The following ANXA5 variants were observed in gnomAD, a reference collection of about 807,000 sequenced individuals.
ANXA5 encodes annexin A5.
Under a neutral mutation model 48.1 loss-of-function variants are expected in ANXA5, and 40 were observed. The observed-to-expected ratio is 0.83, with a 90% CI of 0.65 to 1.08. The LOEUF is 1.08. Ranked by LOEUF, ANXA5 falls within the 50% of genes least tolerant of loss-of-function variation. The pLI, the probability that ANXA5 is intolerant of heterozygous loss-of-function variation, is 0.00. For missense variants in ANXA5, 357 were observed against 376.8 expected (o/e 0.95, Z 0.44); for synonymous variants, 113 against 129.1 (o/e 0.88, Z 0.85).
At chr4:121,674,184 G>A (rs945582046) in intron 8 of ANXA5, among the ~76,000 whole-genome samples, 40 of 125,906 alleles carry the variant, frequency 3.2e-4, no homozygotes, top group African/African-American at 1.2e-3. Flanking sequence ...AGGGGAAGAG[G>A]GAGGGGAGGG....
intron 2 of ANXA5, among the ~76,000 whole-genome samples, chr4:121,687,954 T>C (rs1724921218): frequency 6.6e-6 from 1 of 152,140 alleles, no homozygotes; most frequent in South Asian, 2.1e-4. Flanking sequence ...GAACCGAATA[T>C]CTGTGTCCCC....
intron 2 of ANXA5, among the ~76,000 whole-genome samples, chr4:121,686,603 A>T (rs1266735220): frequency 6.6e-6 from 1 of 152,156 alleles, no homozygotes; most frequent in African/African-American, 2.4e-5. Flanking sequence ...ATCAGTGGGA[A>T]GGCTGGCTCC....
intron 3 of ANXA5, 85 bp from the exon 4 acceptor site, chr4:121,684,856 T>G: frequency 2.9e-6 from 3 of 1,023,070 alleles, no homozygotes; most frequent in Non-Finnish European, 4.6e-6. Context: ...CCAGTCACCT[T>G]ATTTCCTTGC....
At chr4:121,677,778 C>T in intron 8 of ANXA5, 116 bp downstream of exon 8, 1 of 909,100 alleles carries the variant, frequency 1.1e-6, no homozygotes, top group Admixed American at 1.9e-5. Context: ...GTAAATAACC[C>T]ATTAACAAGA....
At chr4:121,696,373 G>A (rs1389246322) in intron 2 of ANXA5, among the ~76,000 whole-genome samples, 1 of 152,158 alleles carries the variant, frequency 6.6e-6, no homozygotes, top group Non-Finnish European at 1.5e-5. Flanking sequence ...GTCGGTGCTG[G>A]TTCCGGAGGG....
At position 121,670,358 on chromosome 4, in the gene ANXA5, T is replaced by G. The variant is rs556568496; in HGVS notation, c.722-346A>C. Among the ~76,000 whole-genome samples the G allele has an allele frequency of 2.6e-5, 4 of 152,276 alleles. No homozygotes were observed. In the South Asian group the frequency reaches 8.3e-4, roughly 32 times the overall value. On this transcript the variant is annotated intron_variant, in intron 10 of 12. Transcript: ENST00000296511. ...CACAACATTCTTCATCACCAATAAA[T>G]TACACAAATCCCTTGGAAGTTTTCA...
chr4:121,674,276 G>A (rs901695319), intron 8 of ANXA5, among the ~76,000 whole-genome samples: 1 of 122,412 alleles, frequency 8.2e-6, no homozygotes, highest in Non-Finnish European at 1.7e-5. Flanking sequence ...GGAGAAGGGA[G>A]GGGAAGGAAA....
At chr4:121,679,579 C>T (rs1015411024) in intron 6 of ANXA5, among the ~76,000 whole-genome samples, 1 of 152,104 alleles carries the variant, frequency 6.6e-6, no homozygotes, top group African/African-American at 2.4e-5. Context: ...CCATTTACCT[C>T]CCACAATGGA....
At chr4:121,680,562 AC>A (rs1724774017) in intron 6 of ANXA5, among the ~76,000 whole-genome samples, 1 of 152,160 alleles carries the variant, frequency 6.6e-6, no homozygotes, top group South Asian at 2.1e-4. Context: ...TGTTATGCAC[AC>A]CTTTTGTCAC....
intron 2 of ANXA5, among the ~76,000 whole-genome samples, chr4:121,687,183 C>A (rs556574950): frequency 6.6e-6 from 1 of 151,778 alleles, no homozygotes; most frequent in Admixed American, 6.6e-5. Flanking sequence ...GCCTGTAGTC[C>A]CAGCTGCTTG....
At chr4:121,686,461 A>G (rs1382883562) in intron 2 of ANXA5, 89 bp from the exon 3 acceptor site, 6 of 893,094 alleles carry the variant, frequency 6.7e-6, no homozygotes, top group African/African-American at 6.7e-5. Flanking sequence ...GCTATATATC[A>G]TATTCAGTCA....
chr4:121,668,783 G>A (rs569779033), intron 12 of ANXA5, among the ~76,000 whole-genome samples: 1 of 152,066 alleles, frequency 6.6e-6, no homozygotes, highest in South Asian at 2.1e-4. Context: ...AGACAGAATA[G>A]TTTCTATCAC....
intron 2 of ANXA5, among the ~76,000 whole-genome samples, chr4:121,689,738 C>G (rs947628425): frequency 9.2e-5 from 14 of 152,158 alleles, no homozygotes; most frequent in African/African-American, 3.4e-4. Flanking sequence ...CACTGGAGGA[C>G]ACTCAGGCAG....
chr4:121,673,124 G>A (rs2110480040), intron 8 of ANXA5, among the ~76,000 whole-genome samples: 1 of 152,288 alleles, frequency 6.6e-6, no homozygotes, highest in South Asian at 2.1e-4. Flanking sequence ...GCTATAAAAT[G>A]TTTTCATATT....
chr4:121,684,757 T>C lies in ANXA5; in HGVS notation c.109A>G (p.Ser37Gly). The C allele has an allele frequency of 4.3e-6, 7 of 1,613,862 alleles. No homozygotes were observed. Among genetic ancestry groups the C allele is most frequent in the Non-Finnish European group, 5.9e-6 (7 of 1,179,852 alleles). Residue 37 changes from serine (S) to glycine (G), a missense_variant, in exon 4 of 13, where the codon AGC becomes GGC. By Grantham distance (56) the Ser-to-Gly change is moderately conservative. Coordinates refer to ENST00000296511, the MANE Select transcript of ANXA5 (RefSeq NM_001154.4). ...CGGGATGTCAACAGAGTCAGGATGC[T>C]CTCCTCATCTGTGCCTGCAATTTAT... ...AMKGLGTDEE[S>G]ILTLLTSRSN... is the part of the protein sequence containing the mutation.
intron 8 of ANXA5, among the ~76,000 whole-genome samples, chr4:121,674,617 T>C (rs1474292946): frequency 6.6e-6 from 1 of 152,214 alleles, no homozygotes; most frequent in East Asian, 1.9e-4. Flanking sequence ...TCAGTTATTT[T>C]TACCACAATG....
intron 8 of ANXA5, among the ~76,000 whole-genome samples, chr4:121,676,227 C>T (rs1484684788): frequency 1.3e-5 from 2 of 152,002 alleles, no homozygotes; most frequent in African/African-American, 4.8e-5. Flanking sequence ...GCCCTCTTCC[C>T]GAAAGAAGGT....
At chr4:121,678,372 T>G in intron 7 of ANXA5, 43 bp downstream of exon 7, 1 of 1,545,612 alleles carries the variant, frequency 6.5e-7, no homozygotes, top group East Asian at 2.3e-5. Flanking sequence ...CCAGTCCAAC[T>G]TCAGGCTTTT....
intron 2 of ANXA5, among the ~76,000 whole-genome samples, chr4:121,695,808 G>A (rs929574294): frequency 2.6e-5 from 4 of 151,702 alleles, no homozygotes; most frequent in Non-Finnish European, 2.9e-5. Flanking sequence ...GCTGAGACAC[G>A]AGAATTGCTT....
Sources: gnomAD v4.1 joint callset for allele counts (sites outside exome capture counted in the v4.1 genomes callset) on GRCh38, gnomAD v4.1.1 for gene constraint, MANE v1.5 for transcripts, NCBI Gene and HGNC (gene_info 2026-07-23, HGNC 2026-07-21) for gene names.